The following RNF169 variants were observed in gnomAD, a reference collection of about 807,000 sequenced individuals.
The protein encoded by RNF169 is ring finger protein 169, also known as E3 ubiquitin-protein ligase RNF169.
In RNF169, 24 loss-of-function variants were observed where a neutral mutation model predicts 53.9. The observed-to-expected ratio is 0.45, with a 90% CI of 0.32 to 0.63. The LOEUF is 0.63. Among genes scored for constraint, RNF169 ranks in the 20% least tolerant of loss-of-function variants. RNF169 has a pLI of 0.04. For missense variants in RNF169, 883 were observed against 906.2 expected, an observed-to-expected ratio of 0.97 and a Z score of 0.33; for synonymous variants, 396 against 363.5, an observed-to-expected ratio of 1.09 and a Z score of -1.02.
At chr11:74,805,508 A>G (rs1258369200) in intron 2 of RNF169, among the ~76,000 whole-genome samples, 1 of 152,192 alleles carries the variant, frequency 6.6e-6, no homozygotes. Context: ...GTCATATTAT[A>G]TGTAGTCTTA....
intron 1 of RNF169, among the ~76,000 whole-genome samples, chr11:74,766,392 T>G (rs1314869407): frequency 3.3e-5 from 5 of 152,238 alleles, no homozygotes; most frequent in Non-Finnish European, 7.3e-5. Context: ...ACAATCAGTT[T>G]AAGTGTATGA....
At chr11:74,754,547 G>T (rs1242428968) in intron 1 of RNF169, among the ~76,000 whole-genome samples, 1 of 152,166 alleles carries the variant, frequency 6.6e-6, no homozygotes, top group Non-Finnish European at 1.5e-5. Context: ...TAGGCCAGGC[G>T]CGGTGGCTCA....
chr11:74,775,100 GTTTTC>G (rs759686923), intron 1 of RNF169, among the ~76,000 whole-genome samples: 50 of 152,128 alleles, frequency 3.3e-4, no homozygotes, highest in Non-Finnish European at 5.1e-4. Context: ...GCCCAAGAAT[GTTTTC>G]TTTTCAAGAT....
chr11:74,828,954 A>T (rs2036137150), intron 4 of RNF169, among the ~76,000 whole-genome samples: 1 of 152,246 alleles, frequency 6.6e-6, no homozygotes, highest in Non-Finnish European at 1.5e-5. Context: ...CATGACGAAG[A>T]TGTCAAAAGC....
chr11:74,835,709 C>T lies in RNF169; in HGVS notation c.1106C>T (p.Pro369Leu). The change falls in exon 6 of 6, where the codon CCT becomes CTT. Residue 369 changes from proline (P) to leucine (L), a missense_variant. Transcript: ENST00000299563. ...SLHKPERSVS[P>L]ESNDSISEEL... ...CATAAGCCAGAGCGTTCTGTCAGCC[C>T]TGAGAGCAATGACAGCATCTCCGAA... is the stretch of plus-strand genomic sequence containing the variant. 1 of 1,614,150 alleles carries T rather than the reference C, an allele frequency of 6.2e-7. No homozygotes were observed. The highest frequency in any genetic ancestry group is 1.6e-4 in the Middle Eastern group (1 of 6,062).
At chr11:74,756,236 T>C (rs563245421) in intron 1 of RNF169, among the ~76,000 whole-genome samples, 2 of 152,308 alleles carry the variant, frequency 1.3e-5, no homozygotes, top group South Asian at 2.1e-4. Context: ...GATGTAAATA[T>C]GCAACTGAAA....
chr11:74,756,355 A>G (rs1439042841), intron 1 of RNF169, among the ~76,000 whole-genome samples: 2 of 152,218 alleles, frequency 1.3e-5, no homozygotes, highest in African/African-American at 4.8e-5. Flanking sequence ...GAGACAGACT[A>G]CCTGGGTTCA....
At chr11:74,817,552 G>A in intron 3 of RNF169, 44 bp from the exon 4 acceptor site, 2 of 1,246,678 alleles carry the variant, frequency 1.6e-6, no homozygotes, top group Non-Finnish European at 2.4e-6. Context: ...AGATGCCTTG[G>A]GAACTCCAAA....
rs921832172 is a variant in RNF169, at chr11:74,792,388, G to C, written c.576+2689G>C. On this transcript the variant is annotated intron_variant, in intron 2 of 5. Coordinates refer to ENST00000299563, the MANE Select transcript of RNF169 (RefSeq NM_001098638.2). ...GGTAGAAAAAGGAGGTGAAGCAAAA[G>C]ACATAGTAAGAGTAGGGTTTCTTTT... 3.3e-5 allele frequency among the ~76,000 whole-genome samples: 5 copies of C among 152,198 alleles called. No individual in the cohort carries two copies. The East Asian group carries it at 7.7e-4, about 24-fold the overall frequency.
chr11:74,755,133 T>C (rs1170083269), intron 1 of RNF169, among the ~76,000 whole-genome samples: 1 of 152,242 alleles, frequency 6.6e-6, no homozygotes, highest in Non-Finnish European at 1.5e-5. Flanking sequence ...CTCATTTCTT[T>C]ATCCTTAATG....
chr11:74,790,260 G>C (rs2035561179), intron 2 of RNF169, among the ~76,000 whole-genome samples: 1 of 152,208 alleles, frequency 6.6e-6, no homozygotes, highest in Non-Finnish European at 1.5e-5. Flanking sequence ...ACTTAAAAAA[G>C]GCTGGTAATA....
intron 1 of RNF169, among the ~76,000 whole-genome samples, chr11:74,777,562 G>T (rs1258805135): frequency 6.6e-6 from 1 of 151,920 alleles, no homozygotes; most frequent in East Asian, 1.9e-4. Flanking sequence ...TGTTGTTGGG[G>T]CCATTTCTGG....
rs1565190060 is a variant in RNF169, at chr11:74,836,484, G to A, written c.1881G>A (p.Lys627=). 2 of 1,614,190 alleles carry A rather than the reference G, an allele frequency of 1.2e-6. 1 individual carries two copies. ...GTCGAGGCCGGAAAAGACACTGCAAGACCAAGCACTTAGAACAAAATGGCT... is the reference window on the plus strand; with the variant it reads ...GTCGAGGCCGGAAAAGACACTGCAAAACCAAGCACTTAGAACAAAATGGCT... ...SLRRGRKRHC[K]TKHLEQNGSL... is the part of the protein sequence containing the mutation. Residue 627 remains lysine (K), a synonymous_variant, in exon 6 of 6, where the codon AAG becomes AAA. Transcript: ENST00000299563.
chr11:74,786,497 A>G (rs979229340), intron 1 of RNF169, among the ~76,000 whole-genome samples: 2 of 151,976 alleles, frequency 1.3e-5, no homozygotes, highest in Non-Finnish European at 2.9e-5. Flanking sequence ...ATTTGACCTC[A>G]AGAGATCCTC....
At chr11:74,794,240 G>GT (rs1254664127) in intron 2 of RNF169, among the ~76,000 whole-genome samples, 1 of 152,196 alleles carries the variant, frequency 6.6e-6, no homozygotes, top group Non-Finnish European at 1.5e-5. Context: ...CACTTTGAGA[G>GT]TAAGCAATAT....
chr11:74,806,672 T>C (rs1317384664), intron 2 of RNF169, among the ~76,000 whole-genome samples: 1 of 152,200 alleles, frequency 6.6e-6, no homozygotes, highest in Non-Finnish European at 1.5e-5. Context: ...AATAGAATGT[T>C]GAGTGAAGGC....
At chr11:74,835,517 G>A in intron 5 of RNF169, 29 bp from the exon 6 acceptor site, 1 of 1,534,072 alleles carries the variant, frequency 6.5e-7, no homozygotes, top group Non-Finnish European at 9.0e-7. Flanking sequence ...ATGTGTGTAT[G>A]AAGGCATAAT....
rs1158220051 is a variant in RNF169 at position 74,838,139 on chromosome 11, T to C, written c.*1409T>C. The C allele has an allele frequency of 6.6e-6, 1 of 152,232 alleles. No individual in the cohort carries two copies. The highest frequency in any genetic ancestry group is 1.5e-5 in the Non-Finnish European group (1 of 68,042). 9.4% of individuals were successfully genotyped at this position (152,232 alleles called of 1,614,324 possible). A position where few individuals can be genotyped will look rare whatever the true frequency, so the allele number is the denominator to read the frequency against. ...AACTGTCTTCAAAGACTAGAAACAC[T>C]GACTCCCAAAATGCTAGAACTGGAA... On this transcript the variant is annotated 3_prime_UTR_variant, in exon 6 of 6. Transcript: ENST00000299563.
chr11:74,803,674 T>A (rs1379348773), intron 2 of RNF169, among the ~76,000 whole-genome samples: 1 of 152,238 alleles, frequency 6.6e-6, no homozygotes. Context: ...TTAACAAGCA[T>A]AACAGATGTT....
Sources: allele counts gnomAD v4.1 joint callset (sites outside exome capture counted in the v4.1 genomes callset), GRCh38; gene constraint gnomAD v4.1.1; transcripts MANE v1.5; gene names NCBI Gene and HGNC (gene_info 2026-07-23, HGNC 2026-07-21).